The following FAM53A variants were observed in gnomAD, a reference collection of about 807,000 sequenced individuals.
FAM53A encodes family with sequence similarity 53 member A.
Under a neutral mutation model 26.6 loss-of-function variants are expected in FAM53A, and 28 were observed. The ratio of observed to expected loss-of-function variants is 1.05; its 90% CI spans 0.78 to 1.45. FAM53A has a LOEUF of 1.45. FAM53A is among the 40% of genes most tolerant of loss of function. FAM53A has a pLI of 0.00. For synonymous variants in FAM53A, 290 were observed against 253.1 expected (o/e 1.15, Z -1.38); for missense variants, 650 against 575.8 (o/e 1.13, Z -1.32).
intron 4 of FAM53A, chr4:1,644,521 G>A (rs549415057): frequency 6.7e-5 from 54 of 807,650 alleles, no homozygotes; most frequent in African/African-American, 4.3e-4. Context: ...CGAGGCCCAC[G>A]GGGCCGATGC....
chr4:1,611,366 C>G, the FAM53A span, among the ~76,000 whole-genome samples: 113 of 152,194 alleles, frequency 7.4e-4, no homozygotes, highest in African/African-American at 2.6e-3. Context: ...AGTCTCCCCC[C>G]GTCCTCCTGG....
chr4:1,603,103 C>T, the FAM53A span, among the ~76,000 whole-genome samples: 1 of 152,240 alleles, frequency 6.6e-6, no homozygotes, highest in Admixed American at 6.5e-5. Flanking sequence ...TGCGGCGGCT[C>T]CTGCTCGGTG....
intron 4 of FAM53A, among the ~76,000 whole-genome samples, chr4:1,654,382 G>A (rs868036470): frequency 4.6e-5 from 7 of 152,250 alleles, no homozygotes; most frequent in South Asian, 4.1e-4. Context: ...TGCCAACCAC[G>A]GCCTGTGACG....
chr4:1,646,123 C>T (rs185099500), intron 4 of FAM53A, among the ~76,000 whole-genome samples: 2,046 of 151,328 alleles, frequency 0.014, 42 homozygotes, highest in African/African-American at 0.047. Flanking sequence ...TTTTTTGAGA[C>T]GGAGTCTTGC....
chr4:1,645,300 C>T (rs1287365821), intron 4 of FAM53A, among the ~76,000 whole-genome samples: 1 of 152,230 alleles, frequency 6.6e-6, no homozygotes, highest in Admixed American at 6.5e-5. Context: ...GTGTGTCAGG[C>T]GAGGAGGCCA....
rs889750401 is a variant in FAM53A, at chr4:1,682,166, C to A, written c.-165+2067G>T. Among the ~76,000 whole-genome samples the A allele has an allele frequency of 2.0e-5, 3 of 152,254 alleles. No homozygotes were observed. The South Asian group carries it at 6.2e-4, about 32-fold the overall frequency. On this transcript the variant is annotated intron_variant, in intron 1 of 4. Transcript: ENST00000308132. ...CTGACACACATTTTCAAATTATAAC[C>A]ACTTAATAACAAATGCTTAACAGAT... is the stretch of plus-strand genomic sequence containing the variant.
chr4:1,585,152 CAATAT>C, the FAM53A span, among the ~76,000 whole-genome samples: 1 of 151,748 alleles, frequency 6.6e-6, no homozygotes, highest in Non-Finnish European at 1.5e-5. Context: ...TTCAACAACA[CAATAT>C]ATGATTAATT....
chr4:1,641,437 G>T lies in FAM53A; in HGVS notation c.1053C>A (p.Asn351Lys). Reference protein sequence around the residue: ...RGLRTSPVHPNLWASRESVTS... With the variant: ...RGLRTSPVHPKLWASRESVTS... ...TCACCGACTCCCTAGAGGCCCACAGGTTGGGGTGGACAGGGCTGGTCCTGA... is the reference window on the plus strand; with the variant it reads ...TCACCGACTCCCTAGAGGCCCACAGTTTGGGGTGGACAGGGCTGGTCCTGA... Residue 351 changes from asparagine to lysine, a missense_variant, in exon 5 of 5, where the codon AAC becomes AAA. Transcript: ENST00000308132. 1 of 1,613,670 alleles carries T rather than the reference G, an allele frequency of 6.2e-7. No homozygotes were observed. Among genetic ancestry groups the T allele is most frequent in the Non-Finnish European group, 8.5e-7 (1 of 1,179,804 alleles).
intron 2 of FAM53A, among the ~76,000 whole-genome samples, chr4:1,667,924 G>A (rs774154984): frequency 6.6e-6 from 1 of 152,156 alleles, no homozygotes. Context: ...CACCATGACT[G>A]TAGGAAAATC....
intron 4 of FAM53A, among the ~76,000 whole-genome samples, chr4:1,643,133 G>A (rs534295061): frequency 6.6e-6 from 1 of 152,288 alleles, no homozygotes; most frequent in African/African-American, 2.4e-5. Context: ...GGCCCTCGGG[G>A]ACAGAGCTCC....
chr4:1,632,733 C>G (rs541718422), intron 1 of FAM53A, among the ~76,000 whole-genome samples: 1 of 152,256 alleles, frequency 6.6e-6, no homozygotes, highest in African/African-American at 2.4e-5. Flanking sequence ...CCTGTGTATA[C>G]ACACCACGCA....
chr4:1,677,573 T>C (rs1472419255), intron 1 of FAM53A, among the ~76,000 whole-genome samples: 1 of 152,214 alleles, frequency 6.6e-6, no homozygotes. Context: ...TCAGCTCCCT[T>C]AGTCTTCTCT....
chr4:1,655,288 C>T lies in FAM53A; in HGVS notation c.572G>A (p.Ser191Asn), dbSNP rs1316191359. ...CTCGCTGCTGTCCACGAAGCCGCCG[C>T]TGGCGGAGGACGGCCGGGGCGTGGC... ...SPATPRPSSA[S>N]GGFVDSSEGS... Residue 191 changes from serine to asparagine, a missense_variant, in exon 4 of 5, where the codon AGC becomes AAC. Transcript: ENST00000308132. 2 of 1,426,392 alleles carry T rather than the reference C, an allele frequency of 1.4e-6. No individual in the cohort carries two copies. Among genetic ancestry groups the T allele is most frequent in the Non-Finnish European group, 1.8e-6 (2 of 1,096,034 alleles). 88.4% of individuals were successfully genotyped at this position (1,426,392 alleles called of 1,614,324 possible).
chr4:1,675,480 C>A (rs1414208828), intron 1 of FAM53A, among the ~76,000 whole-genome samples: 1 of 152,212 alleles, frequency 6.6e-6, no homozygotes, highest in Non-Finnish European at 1.5e-5. Flanking sequence ...AACGAACTCA[C>A]TTCCACTTTT....
intron 4 of FAM53A, among the ~76,000 whole-genome samples, chr4:1,650,643 C>T (rs1255197019): frequency 6.6e-6 from 1 of 151,826 alleles, no homozygotes. Flanking sequence ...CTACAGGCGC[C>T]CACCATCATG....
intron 2 of FAM53A, among the ~76,000 whole-genome samples, chr4:1,661,448 C>A (rs1356546762): frequency 6.6e-6 from 1 of 152,342 alleles, no homozygotes; most frequent in South Asian, 2.1e-4. Context: ...ATATTGCTAA[C>A]CCAGCACAGC....
intron 1 of FAM53A, among the ~76,000 whole-genome samples, chr4:1,672,224 C>T (rs183544073): frequency 7.2e-4 from 83 of 115,484 alleles, no homozygotes; most frequent in African/African-American, 2.4e-3. Flanking sequence ...GATCCAGGAA[C>T]CCATGAACCC....
chr4:1,608,315 G>T, the FAM53A span, among the ~76,000 whole-genome samples: 2 of 152,066 alleles, frequency 1.3e-5, no homozygotes, highest in African/African-American at 4.8e-5. Context: ...CCAGACCTCC[G>T]TGTAAACATG....
the FAM53A span, among the ~76,000 whole-genome samples, chr4:1,576,731 A>G: frequency 6.6e-6 from 1 of 152,326 alleles, no homozygotes. Flanking sequence ...GGCTGGGGCC[A>G]GGGTCCACAT....
Sources: allele counts gnomAD v4.1 joint callset (sites outside exome capture counted in the v4.1 genomes callset), GRCh38; gene constraint gnomAD v4.1.1; transcripts MANE v1.5; gene names NCBI Gene and HGNC (gene_info 2026-07-23, HGNC 2026-07-21).